CFAP47: variants seen among roughly 807,000 people sequenced by gnomAD.
CFAP47 encodes cilia and flagella associated protein 47, also known as cilia- and flagella-associated protein 47.
In CFAP47, 29 loss-of-function variants were observed where a neutral mutation model predicts 148.1. The observed-to-expected ratio is 0.20, with a 90% confidence interval of 0.15 to 0.27. The LOEUF is 0.27. Among genes scored for constraint, CFAP47 ranks in the 10% least tolerant of loss-of-function variants. The pLI is 1.00. For missense variants in CFAP47, 1,872 were observed against 1,697.5 expected (o/e 1.10, Z -1.81); for synonymous variants, 664 against 577.3 (o/e 1.15, Z -2.15).
intron 33 of CFAP47, among the ~76,000 whole-genome samples, chrX:36,105,899 T>G (rs1178297336): frequency 8.9e-6 from 1 of 112,489 alleles, no homozygotes; most frequent in East Asian, 2.8e-4. Context: ...ATTTCAAAGA[T>G]TTTGCCACAT....
chrX:36,287,103 A>C (rs1340101246), intron 51 of CFAP47, among the ~76,000 whole-genome samples: 1 of 111,776 alleles, frequency 8.9e-6, no homozygotes, highest in East Asian at 2.8e-4. Context: ...AAAAACAAAC[A>C]AACAAAAAAC....
chrX:36,302,239 T>C (rs1202296232), intron 53 of CFAP47, among the ~76,000 whole-genome samples: 1 of 110,728 alleles, frequency 9.0e-6, no homozygotes, highest in Non-Finnish European at 1.9e-5. Flanking sequence ...CATATGTCCC[T>C]GGTGAAAGAA....
chrX:36,301,256 T>TTATA, intron 53 of CFAP47, 77 bp downstream of exon 53: 2 of 539,432 alleles, frequency 3.7e-6, no homozygotes, highest in Non-Finnish European at 5.9e-6. Context: ...TATAATGCAT[T>TTATA]CAGTTTCTAA....
At chrX:36,228,953 A>C (rs1477171306) in intron 46 of CFAP47, 129 bp downstream of exon 46, 19 of 429,357 alleles carry the variant, frequency 4.4e-5, no homozygotes, top group Admixed American at 8.8e-5. Context: ...TTATTTCTTC[A>C]TATTTATGTC....
chrX:36,028,548 G>A (rs1937246989), intron 22 of CFAP47, among the ~76,000 whole-genome samples: 1 of 110,963 alleles, frequency 9.0e-6, no homozygotes, highest in Non-Finnish European at 1.9e-5. Context: ...TCTTTCATCA[G>A]TGTTTTGTAG....
chrX:36,190,943 T>C (rs1311139891), intron 42 of CFAP47, among the ~76,000 whole-genome samples: 3 of 111,894 alleles, frequency 2.7e-5, no homozygotes, highest in African/African-American at 9.8e-5. Flanking sequence ...CAGTTATATG[T>C]ACACTAAATT....
At chrX:36,125,916 C>T (rs1938827832) in intron 33 of CFAP47, among the ~76,000 whole-genome samples, 1 of 110,963 alleles carries the variant, frequency 9.0e-6, no homozygotes, top group Non-Finnish European at 1.9e-5. Context: ...ACTATGCCTG[C>T]GTTATAAATA....
intron 22 of CFAP47, among the ~76,000 whole-genome samples, chrX:36,025,133 T>A (rs1196011922): frequency 8.9e-6 from 1 of 111,878 alleles, no homozygotes; most frequent in African/African-American, 3.2e-5. Context: ...CTTGTTAATA[T>A]AAATATTGTG....
At chrX:35,992,982 G>A (rs1417513963) in intron 17 of CFAP47, among the ~76,000 whole-genome samples, 1 of 111,044 alleles carries the variant, frequency 9.0e-6, no homozygotes, top group African/African-American at 3.3e-5. Flanking sequence ...ACTACCAAAG[G>A]TTCTGTTTTC....
intron 1 of CFAP47, among the ~76,000 whole-genome samples, chrX:35,920,854 A>G (rs1036245539): frequency 7.2e-5 from 8 of 111,805 alleles, no homozygotes; most frequent in African/African-American, 2.6e-4. Context: ...GCTGGACTAT[A>G]TGTGCAGAAA....
chrX:36,006,967 G>A (rs146868000), intron 21 of CFAP47, among the ~76,000 whole-genome samples: 4 of 111,859 alleles, frequency 3.6e-5, no homozygotes, highest in Admixed American at 9.5e-5. Context: ...ACAATGCAGA[G>A]CATTTTCTTC....
chrX:36,356,762 C>G (rs1941789560), intron 60 of CFAP47, among the ~76,000 whole-genome samples: 1 of 111,277 alleles, frequency 9.0e-6, no homozygotes, highest in African/African-American at 3.3e-5. Flanking sequence ...CTCCTAAGTC[C>G]CTTCTAGTGG....
chrX:36,270,442 AT>A (rs1556001660), intron 49 of CFAP47, among the ~76,000 whole-genome samples: 1 of 108,928 alleles, frequency 9.2e-6, no homozygotes, highest in Admixed American at 1.0e-4. Flanking sequence ...ACATGTCTTT[AT>A]TTGTCATCTA....
rs1220852336 is a variant in CFAP47 at position 36,085,503 on chromosome X, C to A, written c.4881C>A (p.Leu1627=). Residue 1627 remains leucine (L), a synonymous_variant, in exon 30 of 64, where the codon CTC becomes CTA. Transcript: ENST00000378653. The part of the protein sequence containing the change: ...VDNHEKRVIQ[L]HLQHSSLLDF... ...ACCATGAAAAAAGGGTAATTCAACT[C>A]CATTTGCAACATTCCTCACTTCTGG... 5.8e-6 allele frequency: 7 copies of A among 1,198,930 alleles called. No individual in the cohort carries two copies. The East Asian group carries it at 1.8e-4, about 31-fold the overall frequency.
At chrX:36,014,073 G>A (rs973714087) in intron 21 of CFAP47, among the ~76,000 whole-genome samples, 4 of 111,862 alleles carry the variant, frequency 3.6e-5, no homozygotes, top group Non-Finnish European at 7.5e-5. Context: ...AGCAATGTAT[G>A]TGTTTTACGT....
intron 32 of CFAP47, 38 bp from the exon 33 acceptor site, chrX:36,104,461 C>A: frequency 2.0e-6 from 1 of 489,442 alleles, no homozygotes; most frequent in Non-Finnish European, 3.2e-6. Context: ...GCTATTTTTC[C>A]ATTTGCATCT....
At chrX:36,228,488 A>G (rs782171702) in intron 45 of CFAP47, 140 bp from the exon 46 acceptor site, 1 of 436,423 alleles carries the variant, frequency 2.3e-6, no homozygotes, top group Admixed American at 4.0e-5. Flanking sequence ...CTGGAGATTT[A>G]GAAGTATTGT....
chrX:36,223,666 A>G (rs1030149657), intron 45 of CFAP47, among the ~76,000 whole-genome samples: 5 of 111,437 alleles, frequency 4.5e-5, no homozygotes, highest in African/African-American at 1.6e-4. Context: ...TGAAGCCCCA[A>G]AATTCTTCTG....
intron 43 of CFAP47, among the ~76,000 whole-genome samples, chrX:36,200,934 G>A (rs1209114269): frequency 9.0e-6 from 1 of 110,507 alleles, no homozygotes; most frequent in African/African-American, 3.3e-5. Flanking sequence ...GTTTTTGACA[G>A]GTGTCTTTTT....
Sources: gnomAD v4.1 joint callset for allele counts (sites outside exome capture counted in the v4.1 genomes callset) on GRCh38, gnomAD v4.1.1 for gene constraint, MANE v1.5 for transcripts, NCBI Gene and HGNC (gene_info 2026-07-23, HGNC 2026-07-21) for gene names.